The following PCDH15 variants were observed in gnomAD, a reference collection of about 807,000 sequenced individuals.
PCDH15 encodes the protein protocadherin-15.
A neutral mutation model predicts 178.5 loss-of-function variants in PCDH15; 129 were observed. The ratio of observed to expected loss-of-function variants is 0.72; its 90% CI spans 0.63 to 0.84. PCDH15 has a LOEUF of 0.84. Among genes scored for constraint, PCDH15 ranks in the 40% least tolerant of loss-of-function variants. The pLI, the probability that PCDH15 is intolerant of heterozygous loss-of-function variation, is 0.00. For missense variants in PCDH15, 2,230 were observed against 2,099.9 expected (o/e 1.06, Z -1.21); for synonymous variants, 800 against 732.0 (o/e 1.09, Z -1.50).
At chr10:53,964,410 T>TTATAAATTTTATTTATTCATAAAATTTG in intron 21 of PCDH15, among the ~76,000 whole-genome samples, 1 of 147,838 alleles carries the variant, frequency 6.8e-6, no homozygotes, top group East Asian at 1.9e-4. Context: ...CATAAAATTT[T>TTATAAATTTTATTTATTCATAAAATTTG]TATAAATTTT....
intron 2 of PCDH15, among the ~76,000 whole-genome samples, chr10:54,911,778 G>A (rs1415597570): frequency 2.6e-5 from 4 of 152,102 alleles, no homozygotes; most frequent in African/African-American, 9.7e-5. Context: ...AGTTTCCCTT[G>A]CACTCTGTCT....
intron 2 of PCDH15, among the ~76,000 whole-genome samples, chr10:55,588,518 T>A (rs1044416536): frequency 2.0e-5 from 3 of 152,182 alleles, no homozygotes; most frequent in African/African-American, 7.2e-5. Flanking sequence ...TGGTGTGTCT[T>A]AGTTCTGGTA....
At chr10:53,950,146 C>T (rs960914516) in intron 23 of PCDH15, among the ~76,000 whole-genome samples, 34 of 151,932 alleles carry the variant, frequency 2.2e-4, no homozygotes, top group Middle Eastern at 7.0e-3. Context: ...AGAATGTTCA[C>T]ATGTATAATA....
chr10:53,815,130 T>C (rs962801195), intron 35 of PCDH15, among the ~76,000 whole-genome samples: 1 of 152,172 alleles, frequency 6.6e-6, no homozygotes, highest in Non-Finnish European at 1.5e-5. Context: ...GTATGCAAAG[T>C]AACACACTAG....
At chr10:55,026,978 G>C (rs1840490997) in intron 2 of PCDH15, among the ~76,000 whole-genome samples, 1 of 151,790 alleles carries the variant, frequency 6.6e-6, no homozygotes, top group Non-Finnish European at 1.5e-5. Context: ...TAAAAAACAG[G>C]CACGGGCCAA....
chr10:54,515,854 T>C (rs1171765890), intron 3 of PCDH15, among the ~76,000 whole-genome samples: 2 of 152,232 alleles, frequency 1.3e-5, no homozygotes, highest in African/African-American at 2.4e-5. Context: ...ACCGCTGTTC[T>C]GCAGCCACTG....
At chr10:55,000,756 T>G (rs1437994809) in intron 2 of PCDH15, among the ~76,000 whole-genome samples, 1 of 152,192 alleles carries the variant, frequency 6.6e-6, no homozygotes, top group East Asian at 1.9e-4. Context: ...ACAATTTATG[T>G]TCTTCCACCA....
At chr10:54,845,803 T>C (rs1953499291) in intron 3 of PCDH15, among the ~76,000 whole-genome samples, 1 of 152,088 alleles carries the variant, frequency 6.6e-6, no homozygotes, top group Admixed American at 6.6e-5. Context: ...ATGTTCACTG[T>C]CTTTAACATG....
In PCDH15 at chr10:55,302,522, G is replaced by T. The variant is rs186568890; in HGVS notation, c.-156+17077C>A. ...GAAAACCGTATTTTGCACCTAGAGT[G>T]TCAAGACAGGCTGTAGGCAGATTTC... On this transcript the variant is annotated intron_variant, in intron 1 of 5. Transcript: ENST00000458638. 1.2e-3 allele frequency among the ~76,000 whole-genome samples: 180 copies of T among 152,204 alleles called. 1 individual carries two copies. The highest frequency in any genetic ancestry group is 3.6e-3 in the African/African-American group (148 of 41,554).
At chr10:55,086,663 GC>G (rs1245694787) in intron 2 of PCDH15, among the ~76,000 whole-genome samples, 1 of 151,958 alleles carries the variant, frequency 6.6e-6, no homozygotes, top group Non-Finnish European at 1.5e-5. Flanking sequence ...CAATTGAAAG[GC>G]CCTAGACTCC....
At position 54,852,810 on chromosome 10, in the gene PCDH15, G is replaced by A. The variant is rs532688304; in HGVS notation, c.-29+44640C>T. On this transcript the variant is annotated intron_variant, in intron 3 of 5. Transcript: ENST00000458638. ...AGAGGTTGCAGTGAGCTGAGATCAC[G>A]CCACTGCACTCCAGCCTGGGCAACA... is the stretch of plus-strand genomic sequence containing the variant. 8.2e-3 allele frequency among the ~76,000 whole-genome samples: 1,230 copies of A among 150,352 alleles called. 5 individuals are homozygous for A. The highest frequency in any genetic ancestry group is 0.012 in the Non-Finnish European group (829 of 67,718).
intron 2 of PCDH15, among the ~76,000 whole-genome samples, chr10:55,122,309 T>C (rs1227626076): frequency 6.6e-6 from 1 of 152,082 alleles, no homozygotes; most frequent in East Asian, 1.9e-4. Context: ...GAAAGATAAG[T>C]GTAAGGAAGT....
chr10:54,845,381 C>T (rs1200477534), intron 3 of PCDH15, among the ~76,000 whole-genome samples: 3 of 151,956 alleles, frequency 2.0e-5, no homozygotes, highest in African/African-American at 4.8e-5. Flanking sequence ...AAAGGAGATC[C>T]ACTTCCCATT....
At chr10:54,453,560 C>G (rs1011846346) in intron 3 of PCDH15, among the ~76,000 whole-genome samples, 2 of 151,418 alleles carry the variant, frequency 1.3e-5, no homozygotes, top group Admixed American at 6.6e-5. Flanking sequence ...TGTTAAATGA[C>G]GAGTTAATGG....
At chr10:53,851,794 C>T (rs1473602567) in intron 28 of PCDH15, among the ~76,000 whole-genome samples, 1 of 147,554 alleles carries the variant, frequency 6.8e-6, no homozygotes, top group Non-Finnish European at 1.5e-5. Flanking sequence ...TATATCCTGG[C>T]TACATTTCTA....
chr10:55,238,148 T>A (rs886335279), intron 1 of PCDH15, among the ~76,000 whole-genome samples: 1 of 145,170 alleles, frequency 6.9e-6, no homozygotes, highest in African/African-American at 2.5e-5. Context: ...ATATTTTCTT[T>A]TTTTTTTTTT....
intron 3 of PCDH15, among the ~76,000 whole-genome samples, chr10:54,424,408 G>C (rs975551759): frequency 6.6e-6 from 1 of 151,848 alleles, no homozygotes; most frequent in Non-Finnish European, 1.5e-5. Context: ...TACACTGTTG[G>C]TGGGACTGTA....
intron 3 of PCDH15, among the ~76,000 whole-genome samples, chr10:54,835,364 G>T (rs1459016167): frequency 6.6e-6 from 1 of 152,064 alleles, no homozygotes; most frequent in African/African-American, 2.4e-5. Flanking sequence ...GCCAAGTTCA[G>T]AAGTTTCCAT....
chr10:54,551,217 G>C (rs1470438307), intron 2 of PCDH15, among the ~76,000 whole-genome samples: 5 of 148,102 alleles, frequency 3.4e-5, no homozygotes, highest in Non-Finnish European at 6.0e-5. Flanking sequence ...AATTATCACA[G>C]TGTAAAGGAA....
Sources: gnomAD v4.1 joint callset for allele counts (sites outside exome capture counted in the v4.1 genomes callset) on GRCh38, gnomAD v4.1.1 for gene constraint, MANE v1.5 for transcripts, NCBI Gene and HGNC (gene_info 2026-07-23, HGNC 2026-07-21) for gene names.